USH2A: variants seen among roughly 807,000 people sequenced by gnomAD.
The protein encoded by USH2A is usherin.
Under a neutral mutation model 538.9 loss-of-function variants are expected in USH2A, and 443 were observed. The ratio of observed to expected loss-of-function variants is 0.82; its 90% CI spans 0.76 to 0.89. USH2A has a LOEUF of 0.89. Ranked by LOEUF, USH2A falls within the 40% of genes least tolerant of loss-of-function variation. The probability of loss-of-function intolerance (pLI) is 0.00; values close to 1 mark genes in which losing one functional copy is unlikely to be tolerated. For missense variants in USH2A, 6,633 were observed against 6,324.8 expected (o/e 1.05, Z -1.65); for synonymous variants, 2,413 against 2,273.5 (o/e 1.06, Z -1.75).
chr1:216,026,089 C>A (rs1479026932), intron 32 of USH2A, among the ~76,000 whole-genome samples: 3 of 152,046 alleles, frequency 2.0e-5, no homozygotes, highest in Admixed American at 2.0e-4. Context: ...TAAACTCGAA[C>A]TATTTTTCTC....
At chr1:215,860,625 G>A (rs75223907) in intron 44 of USH2A, among the ~76,000 whole-genome samples, 5,404 of 152,212 alleles carry the variant, frequency 0.036, 159 homozygotes, top group East Asian at 0.14. Flanking sequence ...CCTTATTGCT[G>A]TTTATGTGCT....
intron 61 of USH2A, among the ~76,000 whole-genome samples, chr1:215,712,979 G>T (rs1659382215): frequency 6.6e-6 from 1 of 151,974 alleles, no homozygotes; most frequent in Non-Finnish European, 1.5e-5. Flanking sequence ...GCTAATTTGT[G>T]TATTTTTAGT....
Position 215,675,202 on chromosome 1 carries a change from C to T in USH2A, c.12709G>A (p.Glu4237Lys). The change falls in exon 63 of 72, where the codon GAA (glutamate) becomes AAA (lysine). Residue 4237 changes from glutamate to lysine, a missense_variant. Physicochemically the swap from Glu to Lys is moderately conservative, Grantham distance 56 (BLOSUM62 1). Coordinates refer to ENST00000307340, the MANE Select transcript of USH2A (RefSeq NM_206933.4). ...GAATTCCAAGTGTAGATTTTATATT[C>T]ACACTGCGTCCATGGTTGCAAACCT... The part of the protein sequence containing the change: ...DTGLQPWTQC[E>K]YKIYTWNSAG... 1 of 1,613,868 alleles carries T rather than the reference C, an allele frequency of 6.2e-7. No individual in the cohort carries two copies. The highest frequency in any genetic ancestry group is 8.5e-7 in the Non-Finnish European group (1 of 1,179,928).
chr1:216,339,133 A>G (rs2038028184), intron 4 of USH2A, among the ~76,000 whole-genome samples: 1 of 151,684 alleles, frequency 6.6e-6, no homozygotes, highest in African/African-American at 2.4e-5. Context: ...AAACAAATAC[A>G]TAATCCATAC....
rs2039690260 is a variant in USH2A, at chr1:216,422,208, C to G, written c.129G>C (p.Val43=). 1 of 1,612,286 alleles carries G rather than the reference C, an allele frequency of 6.2e-7. No individual in the cohort carries two copies. The highest frequency in any genetic ancestry group is 8.5e-7 in the Non-Finnish European group (1 of 1,178,780). The change falls in exon 2 of 72, where the codon GTG becomes GTC. Residue 43 remains valine (V), a synonymous_variant. Transcript: ENST00000307340. ...CGATGGAAACTTTCTTGAAAGCTCC[C>G]ACGTTCTCCAGCCTTGGGAAAAGAC... The part of the protein sequence containing the change: ...SRGLFPRLEN[V]GAFKKVSIVP...
At chr1:215,966,339 C>T (rs908212166) in intron 36 of USH2A, among the ~76,000 whole-genome samples, 3 of 152,176 alleles carry the variant, frequency 2.0e-5, no homozygotes, top group Non-Finnish European at 4.4e-5. Flanking sequence ...ATTCAGTTAA[C>T]TAATCACTAC....
At chr1:216,148,595 C>T (rs1204755628) in intron 21 of USH2A, among the ~76,000 whole-genome samples, 1 of 152,168 alleles carries the variant, frequency 6.6e-6, no homozygotes, top group Non-Finnish European at 1.5e-5. Context: ...CCTGCTACAG[C>T]ATGGCCTTTT....
At chr1:215,711,570 CT>C (rs999690874) in intron 61 of USH2A, among the ~76,000 whole-genome samples, 1 of 151,924 alleles carries the variant, frequency 6.6e-6, no homozygotes, top group Non-Finnish European at 1.5e-5. Context: ...CTCCTCAAGA[CT>C]TTTTTTTCTG....
At chr1:215,779,418 C>T (rs1409638780) in intron 55 of USH2A, among the ~76,000 whole-genome samples, 1 of 152,162 alleles carries the variant, frequency 6.6e-6, no homozygotes, top group African/African-American at 2.4e-5. Flanking sequence ...ACTCCACTGT[C>T]AACTAGTCCT....
chr1:216,306,055 A>C (rs1477774896), intron 9 of USH2A, among the ~76,000 whole-genome samples: 3 of 152,116 alleles, frequency 2.0e-5, no homozygotes, highest in Non-Finnish European at 4.4e-5. Context: ...GGATATCTAG[A>C]TCTCTAGCAA....
chr1:216,282,946 T>C (rs2036810301), intron 11 of USH2A, among the ~76,000 whole-genome samples: 2 of 152,226 alleles, frequency 1.3e-5, no homozygotes, highest in African/African-American at 4.8e-5. Context: ...AATGTTTTTC[T>C]AAATATTTTA....
chr1:216,312,521 A>G (rs1297962626), intron 9 of USH2A, among the ~76,000 whole-genome samples: 4 of 151,944 alleles, frequency 2.6e-5, no homozygotes, highest in African/African-American at 9.7e-5. Context: ...GGTAGTCTCT[A>G]TTGACACATC....
intron 70 of USH2A, 88 bp downstream of exon 70, chr1:215,634,371 A>G: frequency 1.3e-6 from 2 of 1,597,892 alleles, no homozygotes; most frequent in Non-Finnish European, 8.6e-7. Flanking sequence ...ATTCCTTGTT[A>G]CCATGGCTAT....
intron 3 of USH2A, among the ~76,000 whole-genome samples, chr1:216,387,761 C>A (rs910141350): frequency 2.0e-5 from 3 of 152,118 alleles, no homozygotes; most frequent in African/African-American, 7.2e-5. Context: ...GTTTTTAATG[C>A]TCTGTGCCAC....
intron 32 of USH2A, among the ~76,000 whole-genome samples, chr1:216,007,607 T>C (rs1327377517): frequency 6.6e-6 from 1 of 152,210 alleles, no homozygotes; most frequent in Non-Finnish European, 1.5e-5. Context: ...AAGACTTTGG[T>C]GTCTGTATTC....
intron 70 of USH2A, among the ~76,000 whole-genome samples, chr1:215,631,883 C>T (rs751396424): frequency 5.3e-5 from 8 of 152,224 alleles, no homozygotes; most frequent in Non-Finnish European, 1.0e-4. Context: ...CTAAGTCTGT[C>T]CCCAGAGGCG....
chr1:215,951,147 G>A lies in USH2A; in HGVS notation c.7120+14170C>T, dbSNP rs575653915. ...TCTAGTTCTTTTAATTGTGATGTTA[G>A]GGTGTCAATTTTAGATCTTTCCTGC... On this transcript the variant is annotated intron_variant, in intron 37 of 71. Coordinates refer to ENST00000307340, the MANE Select transcript of USH2A (RefSeq NM_206933.4). 6.5e-3 allele frequency among the ~76,000 whole-genome samples: 985 copies of A among 152,114 alleles called. 12 individuals carry two copies. Among genetic ancestry groups the A allele is most frequent in the African/African-American group, 0.022 (929 of 41,498 alleles).
At position 216,112,151 on chromosome 1, in the gene USH2A, G is replaced by A. The variant is rs574165932; in HGVS notation, c.4628-14938C>T. 1.6e-4 allele frequency among the ~76,000 whole-genome samples: 25 copies of A among 152,136 alleles called. 1 individual carries two copies. The highest frequency in any genetic ancestry group is 5.8e-4 in the African/African-American group (24 of 41,508). ...ATACTCGACAAAATAACAGTTGAAA[G>A]CTAACCTGAAAATATGAGCGCCCTG... On this transcript the variant is annotated intron_variant, in intron 21 of 71. Coordinates refer to ENST00000307340, the MANE Select transcript of USH2A (RefSeq NM_206933.4).
At chr1:216,380,592 A>T (rs1371186595) in intron 3 of USH2A, among the ~76,000 whole-genome samples, 1 of 152,166 alleles carries the variant, frequency 6.6e-6, no homozygotes, top group African/African-American at 2.4e-5. Context: ...AGAAAAAAAT[A>T]TCACTGACTT....
Sources: gnomAD v4.1 joint callset for allele counts (sites outside exome capture counted in the v4.1 genomes callset) on GRCh38, gnomAD v4.1.1 for gene constraint, MANE v1.5 for transcripts, NCBI Gene and HGNC (gene_info 2026-07-23, HGNC 2026-07-21) for gene names.